The following RIPOR2 variants were observed in gnomAD, a reference collection of about 807,000 sequenced individuals.
RIPOR2 encodes the protein RHO family interacting cell polarization regulator 2, also known as rho family-interacting cell polarization regulator 2.
RIPOR2 carries 39 observed loss-of-function variants against 114.5 expected under a neutral mutation model. That is an observed-to-expected ratio of 0.34 (90% CI 0.26 to 0.44). RIPOR2 has a LOEUF of 0.44. Among genes scored for constraint, RIPOR2 ranks in the 20% least tolerant of loss-of-function variants. The pLI, the probability that RIPOR2 is intolerant of heterozygous loss-of-function variation, is 1.00. For missense variants in RIPOR2, 1,007 were observed against 1,255.1 expected (o/e 0.80, Z 2.99); for synonymous variants, 445 against 484.4 (o/e 0.92, Z 1.07).
chr6:24,826,264 T>A (rs1163913340), intron 18 of RIPOR2, among the ~76,000 whole-genome samples: 1 of 152,108 alleles, frequency 6.6e-6, no homozygotes, highest in East Asian at 1.9e-4. Context: ...AGGAAGACAA[T>A]ATTAAAAAAT....
At chr6:24,997,349 T>G in intron 1 of RIPOR2, among the ~76,000 whole-genome samples, 1 of 150,618 alleles carries the variant, frequency 6.6e-6, no homozygotes, top group African/African-American at 2.5e-5. Flanking sequence ...GGAGGTGGGG[T>G]GGGAAGGTAG....
intron 1 of RIPOR2, among the ~76,000 whole-genome samples, chr6:24,986,425 T>A (rs556115038): frequency 6.6e-6 from 1 of 152,318 alleles, no homozygotes; most frequent in Admixed American, 6.5e-5. Context: ...GAAAACTTTT[T>A]AAAAAGGCAA....
In RIPOR2 at chr6:25,029,242, C is replaced by T. The variant is rs531064269; in HGVS notation, c.76+12609G>A. On this transcript the variant is annotated intron_variant, in intron 1 of 13. Coordinates refer to the RIPOR2 transcript ENST00000510784. ...GGTGGAGGTTGCAGTGAGCCGAGAT[C>T]GCGACACTGCACTCCAGCCTGGCGA... 1.5e-4 allele frequency among the ~76,000 whole-genome samples: 23 copies of T among 151,472 alleles called. No individual in the cohort carries two copies. In the South Asian group the frequency reaches 3.6e-3, roughly 23 times the overall value.
At chr6:24,831,882 A>C (rs1189633510) in intron 16 of RIPOR2, among the ~76,000 whole-genome samples, 1 of 152,166 alleles carries the variant, frequency 6.6e-6, no homozygotes, top group Non-Finnish European at 1.5e-5. Flanking sequence ...AGGATCTTCC[A>C]ATTGACAGTC....
At chr6:25,041,965 G>A (rs1262891569) in exon 1 of RIPOR2, 1 of 687,904 alleles carries the variant, frequency 1.5e-6, no homozygotes, top group South Asian at 1.5e-5. Context: ...TCATGGCAAA[G>A]GAACAAAAGG....
intron 1 of RIPOR2, chr6:24,910,913 A>G (rs1581779574): frequency 3.0e-6 from 3 of 985,146 alleles, no homozygotes; most frequent in East Asian, 1.1e-4. Context: ...AGCTGCCCGC[A>G]CCTCCGGCTT....
intron 1 of RIPOR2, among the ~76,000 whole-genome samples, chr6:24,916,417 T>C (rs775518673): frequency 2.0e-5 from 3 of 152,246 alleles, no homozygotes; most frequent in Non-Finnish European, 4.4e-5. Context: ...AGCTCTGCGA[T>C]GTCAGGAACT....
At chr6:24,930,945 A>G (rs1464859746) in intron 1 of RIPOR2, among the ~76,000 whole-genome samples, 2 of 152,230 alleles carry the variant, frequency 1.3e-5, no homozygotes, top group African/African-American at 2.4e-5. Flanking sequence ...ATGTTATAAA[A>G]TGTGGCATAA....
chr6:24,908,653 C>T (rs570654542), intron 1 of RIPOR2, among the ~76,000 whole-genome samples: 4 of 152,108 alleles, frequency 2.6e-5, no homozygotes, highest in Non-Finnish European at 5.9e-5. Flanking sequence ...ATTAGCAGGG[C>T]CCCAGGTCAA....
chr6:25,035,645 G>T (rs573621815), intron 1 of RIPOR2, among the ~76,000 whole-genome samples: 1 of 152,170 alleles, frequency 6.6e-6, no homozygotes, highest in Non-Finnish European at 1.5e-5. Context: ...GAGGCCGGGG[G>T]AGAAACATGA....
chr6:24,916,541 C>T (rs1305244857), intron 1 of RIPOR2, among the ~76,000 whole-genome samples: 1 of 152,286 alleles, frequency 6.6e-6, no homozygotes, highest in African/African-American at 2.4e-5. Context: ...CTGGTTTCTG[C>T]CACCTTTTTC....
intron 1 of RIPOR2, among the ~76,000 whole-genome samples, chr6:24,908,332 T>A (rs1395205538): frequency 6.6e-6 from 1 of 152,242 alleles, no homozygotes; most frequent in Non-Finnish European, 1.5e-5. Flanking sequence ...ATGCAATAAA[T>A]GATTAAATAA....
chr6:24,859,570 C>A (rs1189542590), intron 8 of RIPOR2, among the ~76,000 whole-genome samples: 1 of 152,172 alleles, frequency 6.6e-6, no homozygotes, highest in Non-Finnish European at 1.5e-5. Context: ...AGATGCCAGA[C>A]TCAGTAGCAA....
chr6:24,847,638 G>A lies in RIPOR2; in HGVS notation c.1164+387C>T, dbSNP rs1014270271. On this transcript the variant is annotated intron_variant, in intron 12 of 21. Coordinates refer to ENST00000643898, the MANE Select transcript of RIPOR2 (RefSeq NM_001286445.3). ...GCTTGGCAAAGAAAGTGTCTTGCAA[G>A]GCACTCAAGACAGACAGCCGCCTGG... The A allele has an allele frequency of 4.5e-6, 7 of 1,551,586 alleles. No individual in the cohort carries two copies. The highest frequency in any genetic ancestry group is 4.9e-5 in the East Asian group (2 of 40,924).
At chr6:24,811,418 GT>G (rs11297950) in intron 20 of RIPOR2, among the ~76,000 whole-genome samples, 65,869 of 150,228 alleles carry the variant, frequency 0.44, 15,476 homozygotes, top group Non-Finnish European at 0.53. Flanking sequence ...TGTATTTTTA[GT>G]AGAGACGGGG....
intron 14 of RIPOR2, among the ~76,000 whole-genome samples, chr6:24,837,781 G>C (rs773693542): frequency 1.3e-4 from 19 of 151,942 alleles, no homozygotes; most frequent in Non-Finnish European, 2.4e-4. Flanking sequence ...TTGCTTATGG[G>C]GTAAATTCAA....
intron 7 of RIPOR2, among the ~76,000 whole-genome samples, chr6:24,863,461 G>C (rs903268399): frequency 3.3e-5 from 5 of 152,270 alleles, no homozygotes; most frequent in Admixed American, 1.3e-4. Context: ...GCATTCTGCT[G>C]GTCAGTTATC....
At chr6:24,827,124 AG>A (rs1760258962) in intron 18 of RIPOR2, among the ~76,000 whole-genome samples, 1 of 152,232 alleles carries the variant, frequency 6.6e-6, no homozygotes, top group East Asian at 1.9e-4. Flanking sequence ...GGACAAATTT[AG>A]TATCAATAAA....
rs1280968887 is a variant in RIPOR2, at chr6:24,809,695, AAAC to A, written c.3043+19_3043+21del. The stretch of plus-strand genomic sequence containing the variant: ...GAGTGCCAGAAGCAAACAATCATGT[AAAC>A]AACAACAATAAAACTCACCCAGAGA... On this transcript the variant is annotated intron_variant, in intron 21 of 21. Coordinates refer to ENST00000643898, the MANE Select transcript of RIPOR2 (RefSeq NM_001286445.3). 1.9e-5 allele frequency: 28 copies of A among 1,458,630 alleles called. No individual in the cohort carries two copies. The highest frequency in any genetic ancestry group is 2.5e-5 in the Non-Finnish European group (27 of 1,061,966). 90.4% of individuals were successfully genotyped at this position (1,458,630 alleles called of 1,614,324 possible). A position where few individuals can be genotyped will look rare whatever the true frequency, so the allele number is the denominator to read the frequency against.
Sources: allele counts gnomAD v4.1 joint callset (sites outside exome capture counted in the v4.1 genomes callset), GRCh38; gene constraint gnomAD v4.1.1; transcripts MANE v1.5; gene names NCBI Gene and HGNC (gene_info 2026-07-23, HGNC 2026-07-21).